MAP7: variants seen among roughly 807,000 people sequenced by gnomAD.
The protein encoded by MAP7 is microtubule associated protein 7.
A neutral mutation model predicts 94.8 loss-of-function variants in MAP7; 52 were observed. The observed-to-expected ratio is 0.55, with a 90% confidence interval of 0.44 to 0.69. The LOEUF (loss-of-function observed/expected upper bound fraction) is 0.69. Among genes scored for constraint, MAP7 ranks in the 30% least tolerant of loss-of-function variants. The pLI, the probability that MAP7 is intolerant of heterozygous loss-of-function variation, is 0.00. For missense variants in MAP7, 940 were observed against 964.6 expected (o/e 0.97, Z 0.34); for synonymous variants, 350 against 357.0 (o/e 0.98, Z 0.22).
intron 1 of MAP7, among the ~76,000 whole-genome samples, chr6:136,491,317 T>C (rs541260439): frequency 2.0e-5 from 3 of 152,336 alleles, no homozygotes; most frequent in African/African-American, 7.2e-5. Context: ...ATCTAATATC[T>C]GACCCAATTT....
At chr6:136,499,354 T>C (rs1819193518) in intron 1 of MAP7, among the ~76,000 whole-genome samples, 1 of 152,168 alleles carries the variant, frequency 6.6e-6, no homozygotes, top group Non-Finnish European at 1.5e-5. Flanking sequence ...GTTTCATTTA[T>C]TGTTCACAAT....
At chr6:136,380,150 T>C (rs759982433) in intron 6 of MAP7, among the ~76,000 whole-genome samples, 1 of 152,198 alleles carries the variant, frequency 6.6e-6, no homozygotes, top group Non-Finnish European at 1.5e-5. Context: ...ATATTGACAA[T>C]TTCCATTATA....
chr6:136,372,654 G>A (rs775672707), intron 7 of MAP7, 29 bp from the exon 8 acceptor site: 1 of 1,613,928 alleles, frequency 6.2e-7, no homozygotes, highest in Non-Finnish European at 8.5e-7. Flanking sequence ...GGATAACTAG[G>A]GTGCAGGTGA....
intron 1 of MAP7, among the ~76,000 whole-genome samples, chr6:136,549,769 G>A (rs940605650): frequency 6.6e-6 from 1 of 152,206 alleles, no homozygotes; most frequent in African/African-American, 2.4e-5. Context: ...CGGCCCTCCC[G>A]AGCTCGGTCC....
At chr6:136,405,401 C>A (rs1019084020) in intron 3 of MAP7, among the ~76,000 whole-genome samples, 1 of 152,124 alleles carries the variant, frequency 6.6e-6, no homozygotes, top group South Asian at 2.1e-4. Flanking sequence ...GAGAAGGTGG[C>A]ATTTAAATGA....
chr6:136,366,821 A>C (rs1473284796), intron 8 of MAP7, among the ~76,000 whole-genome samples: 2 of 142,308 alleles, frequency 1.4e-5, no homozygotes, highest in Non-Finnish European at 3.1e-5. Context: ...ATTTTAATTA[A>C]AACACATCTT....
At chr6:136,356,338 T>TA (rs1790928842) in intron 16 of MAP7, among the ~76,000 whole-genome samples, 1 of 133,990 alleles carries the variant, frequency 7.5e-6, no homozygotes, top group East Asian at 3.2e-4. Flanking sequence ...AGTTTTGCTA[T>TA]TTTTTTTTGT....
chr6:136,422,904 A>G (rs1237825752), intron 1 of MAP7, among the ~76,000 whole-genome samples: 3 of 152,196 alleles, frequency 2.0e-5, no homozygotes, highest in Admixed American at 6.5e-5. Context: ...TTTGGTGAAC[A>G]TTGTAACAGC....
At position 136,362,523 on chromosome 6, in the gene MAP7, C is replaced by T. The variant is rs1793122239; in HGVS notation, c.1453G>A (p.Glu485Lys). ...DPEEATRLLA[E>K]KRRLAREQRE... The stretch of plus-strand genomic sequence containing the variant: ...TGCTCTCGGGCCAGCCGCCTCTTCT[C>T]AGCTAGAAGCCTTGTGGCCTCCTCT... The change falls in exon 11 of 18, where the codon GAG (glutamate) becomes AAG (lysine). Residue 485 changes from glutamate to lysine, a missense_variant. Coordinates refer to ENST00000354570, the MANE Select transcript of MAP7 (RefSeq NM_003980.6). 2 of 1,614,112 alleles carry T rather than the reference C, an allele frequency of 1.2e-6. No homozygotes were observed. Among genetic ancestry groups the T allele is most frequent in the Non-Finnish European group, 1.7e-6 (2 of 1,180,056 alleles).
intron 2 of MAP7, among the ~76,000 whole-genome samples, chr6:136,413,118 C>T (rs906844161): frequency 2.0e-5 from 3 of 152,164 alleles, no homozygotes; most frequent in South Asian, 2.1e-4. Flanking sequence ...GCCAAGATCG[C>T]GCCATTGCAC....
At chr6:136,461,270 G>A (rs368629603) in intron 1 of MAP7, among the ~76,000 whole-genome samples, 6 of 152,188 alleles carry the variant, frequency 3.9e-5, no homozygotes, top group Admixed American at 2.0e-4. Context: ...CAAAAATCCT[G>A]AATGACATAT....
intron 3 of MAP7, among the ~76,000 whole-genome samples, chr6:136,396,298 T>C (rs1285654983): frequency 6.6e-6 from 1 of 152,130 alleles, no homozygotes; most frequent in South Asian, 2.1e-4. Context: ...TTCCTAAGTA[T>C]TTTATTTTAT....
At chr6:136,514,604 A>AG (rs1463345949) in intron 1 of MAP7, among the ~76,000 whole-genome samples, 7 of 150,930 alleles carry the variant, frequency 4.6e-5, no homozygotes, top group African/African-American at 1.7e-4. Flanking sequence ...AAAAAAAAAA[A>AG]AAAGAAAACA....
At chr6:136,480,896 T>C (rs9385761) in intron 1 of MAP7, among the ~76,000 whole-genome samples, 16,846 of 152,150 alleles carry the variant, frequency 0.11, 1,172 homozygotes, top group East Asian at 0.15. Context: ...ATAATGAATA[T>C]GTAAGGAGCA....
At chr6:136,538,708 T>C (rs72979513) in intron 1 of MAP7, among the ~76,000 whole-genome samples, 7 of 149,990 alleles carry the variant, frequency 4.7e-5, no homozygotes, top group East Asian at 2.0e-4. Context: ...GGGAGGATCG[T>C]TGGAGCCCAG....
intron 2 of MAP7, 42 bp from the exon 3 acceptor site, chr6:136,411,739 TA>T (rs747120037): frequency 0.051 from 52,702 of 1,025,866 alleles, no homozygotes; most frequent in South Asian, 0.077. Flanking sequence ...AAGAGTGGAT[TA>T]AAAAAAAAAA....
chr6:136,392,220 G>A (rs1780975475), intron 3 of MAP7, among the ~76,000 whole-genome samples: 1 of 152,038 alleles, frequency 6.6e-6, no homozygotes, highest in Non-Finnish European at 1.5e-5. Context: ...TGGGACTACA[G>A]GCGTGCACCA....
At chr6:136,412,788 C>T (rs995823960) in intron 2 of MAP7, among the ~76,000 whole-genome samples, 2 of 151,784 alleles carry the variant, frequency 1.3e-5, no homozygotes, top group African/African-American at 4.8e-5. Flanking sequence ...ACTCTGCTGC[C>T]GAATTAAAAC....
intron 1 of MAP7, among the ~76,000 whole-genome samples, chr6:136,451,817 T>C (rs1466339918): frequency 6.6e-6 from 1 of 152,074 alleles, no homozygotes; most frequent in Non-Finnish European, 1.5e-5. Flanking sequence ...TCAGTGGAGG[T>C]TAGTAACTGC....
Sources: allele counts gnomAD v4.1 joint callset (sites outside exome capture counted in the v4.1 genomes callset), GRCh38; gene constraint gnomAD v4.1.1; transcripts MANE v1.5; gene names NCBI Gene and HGNC (gene_info 2026-07-23, HGNC 2026-07-21).